The following FNTB variants were observed in gnomAD, a reference collection of about 807,000 sequenced individuals.
FNTB encodes protein farnesyltransferase subunit beta.
FNTB carries 27 observed loss-of-function variants against 59.4 expected under a neutral mutation model. The observed-to-expected ratio is 0.45, with a 90% CI of 0.34 to 0.63. The LOEUF (loss-of-function observed/expected upper bound fraction) is 0.63. Among genes scored for constraint, FNTB ranks in the 20% least tolerant of loss-of-function variants. The pLI is 0.02. For synonymous variants in FNTB, 230 were observed against 220.7 expected, an observed-to-expected ratio of 1.04 and a Z score of -0.37; for missense variants, 449 against 559.6, an observed-to-expected ratio of 0.80 and a Z score of 1.99.
intron 2 of FNTB, among the ~76,000 whole-genome samples, chr14:65,005,507 TTCTTTCTC>T (rs1459614064): frequency 4.6e-5 from 4 of 86,116 alleles, no homozygotes; most frequent in Admixed American, 1.3e-4. Context: ...CTTTCTTTCT[TTCTTTCTC>T]TCTCTCTTTC....
intron 11 of FNTB, among the ~76,000 whole-genome samples, chr14:65,059,333 CTT>C (rs549995463): frequency 1.4e-5 from 2 of 146,650 alleles, no homozygotes. Flanking sequence ...GCACTAGCCC[CTT>C]TTTTTTTTTC....
chr14:65,008,237 C>T (rs2061626618), intron 2 of FNTB, among the ~76,000 whole-genome samples: 2 of 152,228 alleles, frequency 1.3e-5, no homozygotes, highest in South Asian at 4.1e-4. Flanking sequence ...GACTGAATCC[C>T]CTGTCCTCTC....
chr14:65,035,747 G>C (rs1426589779), intron 7 of FNTB, among the ~76,000 whole-genome samples: 1 of 151,916 alleles, frequency 6.6e-6, no homozygotes, highest in Non-Finnish European at 1.5e-5. Context: ...TTGTCCAGGT[G>C]GGGCTTGAAC....
chr14:65,055,298 G>C (rs1184149370), intron 11 of FNTB, among the ~76,000 whole-genome samples: 1 of 152,164 alleles, frequency 6.6e-6, no homozygotes, highest in Non-Finnish European at 1.5e-5. Flanking sequence ...GAGCCTAGAC[G>C]TGAGCCTGGA....
In FNTB at chr14:65,037,403, C is replaced by CTT. The variant is rs1555335876; in HGVS notation, c.693-3345_693-3344dup. 1.7e-3 allele frequency among the ~76,000 whole-genome samples: 49 copies of CTT among 29,684 alleles called. 6 individuals carry two copies. The highest frequency in any genetic ancestry group is 2.8e-3 in the Non-Finnish European group (39 of 13,698). 19.5% of individuals were successfully genotyped at this position (29,684 alleles called of 152,430 possible). A position where few individuals can be genotyped will look rare whatever the true frequency, so the allele number is the denominator to read the frequency against. ...TAGGCGTGAGCCACCACGCCGGGCCCTTTTTTTTTTTTTTTTTTTTTTTTT... is the reference window on the plus strand; with the variant it reads ...TAGGCGTGAGCCACCACGCCGGGCCCTTTTTTTTTTTTTTTTTTTTTTTTTTT... On this transcript the variant is annotated intron_variant, in intron 7 of 11. Transcript: ENST00000246166.
At chr14:65,043,871 A>G (rs1000680029) in intron 8 of FNTB, among the ~76,000 whole-genome samples, 3 of 146,576 alleles carry the variant, frequency 2.0e-5, no homozygotes, top group Admixed American at 6.8e-5. Flanking sequence ...GAAATGTAGT[A>G]CCAAATTCCA....
In FNTB at chr14:65,028,431, T is replaced by C. The variant is rs1214290842; in HGVS notation, c.605+650T>C. Among the ~76,000 whole-genome samples, 1 of 152,244 alleles carries C rather than the reference T, an allele frequency of 6.6e-6. No individual in the cohort carries two copies. Among genetic ancestry groups the C allele is most frequent in the Non-Finnish European group, 1.5e-5 (1 of 68,042 alleles). ...GCCATTTCTCTAAGACAGTGGCTTA[T>C]TGAGATTTTATGCCATTTTCTTATT... On this transcript the variant is annotated intron_variant, in intron 6 of 11. Transcript: ENST00000246166. This position sits in a 1 kb window ranked among gnomAD's most constrained non-coding sequence, Gnocchi z 4.4.
chr14:65,015,346 AC>A (rs2061750540), intron 3 of FNTB, among the ~76,000 whole-genome samples: 1 of 133,102 alleles, frequency 7.5e-6, no homozygotes, highest in Admixed American at 7.7e-5. Flanking sequence ...TAAATGATCC[AC>A]CCACCTTGGC....
At position 65,031,810 on chromosome 14, in the gene FNTB, A is replaced by G. The variant is rs1293495861; in HGVS notation, c.606-800A>G. On this transcript the variant is annotated intron_variant, in intron 6 of 11. Transcript: ENST00000246166. The surrounding 1 kb of genome is among the most constrained non-coding windows in gnomAD (Gnocchi z 4.6). ...GTGGCATGCGCCTGTAATCCCAGCT[A>G]CTTGGGAGGCTGATACAGGAGAATT... Among the ~76,000 whole-genome samples, 1 of 152,074 alleles carries G rather than the reference A, an allele frequency of 6.6e-6. No individual in the cohort carries two copies. The highest frequency in any genetic ancestry group is 2.4e-5 in the African/African-American group (1 of 41,464).
In FNTB at chr14:65,044,162, GGAAAGAAAACCA is replaced by G; in HGVS notation, c.823-146_823-135del. The G allele has an allele frequency of 7.2e-7, 1 of 1,390,430 alleles. No homozygotes were observed. Among genetic ancestry groups the G allele is most frequent in the Non-Finnish European group, 1.0e-6 (1 of 1,001,848 alleles). 86.1% of individuals were successfully genotyped at this position (1,390,430 alleles called of 1,614,324 possible). A position where few individuals can be genotyped will look rare whatever the true frequency, so the allele number is the denominator to read the frequency against. ...TGTCTATGGCAGTGTGGGGAGGGAA[GGAAAGAAAACCA>G]GAGCACCAAAACTAGAGTGCCAAGA... is the stretch of plus-strand genomic sequence containing the variant. On this transcript the variant is annotated intron_variant, in intron 8 of 11. Transcript: ENST00000246166. The surrounding 1 kb of genome is among the most constrained non-coding windows in gnomAD (Gnocchi z 5.5).
intron 1 of FNTB, among the ~76,000 whole-genome samples, chr14:65,002,475 G>C (rs1168787516): frequency 6.6e-6 from 1 of 152,156 alleles, no homozygotes; most frequent in African/African-American, 2.4e-5. Context: ...TGGGCGGGGT[G>C]GTGGGCACCT....
At position 65,054,740 on chromosome 14, in the gene FNTB, C is replaced by T; in HGVS notation, c.1182+51C>T. 6.5e-7 allele frequency: 1 copy of T among 1,546,662 alleles called. No individual in the cohort carries two copies. Among genetic ancestry groups the T allele is most frequent in the Non-Finnish European group, 8.8e-7 (1 of 1,139,744 alleles). On this transcript the variant is annotated intron_variant, in intron 11 of 11. Coordinates refer to ENST00000246166, the MANE Select transcript of FNTB (RefSeq NM_002028.4). This position sits in a 1 kb window ranked among gnomAD's most constrained non-coding sequence, Gnocchi z 4.4. ...CCCTTCTCCACAGGGACCTCGCGGA[C>T]AGAAGGCTTTCCAAGTAAGCAGAAC...
At chr14:65,003,722 T>G (rs1406801568) in intron 1 of FNTB, 1 of 152,232 alleles carries the variant, frequency 6.6e-6, no homozygotes, top group Non-Finnish European at 1.5e-5. Context: ...AGGTGCCTTC[T>G]CCATTGATAA....
At position 65,037,745 on chromosome 14, in the gene FNTB, TTTATTTATTTATTTA is replaced by T. The variant is rs2062240159; in HGVS notation, c.693-3042_693-3028del. Among the ~76,000 whole-genome samples, 6 of 55,062 alleles carry T rather than the reference TTTATTTATTTATTTA, an allele frequency of 1.1e-4. 1 individual carries two copies. Among genetic ancestry groups the T allele is most frequent in the African/African-American group, 3.6e-4 (5 of 13,812 alleles). 36.1% of individuals were successfully genotyped at this position (55,062 alleles called of 152,430 possible). A position where few individuals can be genotyped will look rare whatever the true frequency, so the allele number is the denominator to read the frequency against. ...CAGCCTCTTATTTATTTATTTATTA[TTTATTTATTTATTTA>T]TTTATTTATTTATTTATTTATTTAT... On this transcript the variant is annotated intron_variant, in intron 7 of 11. Transcript: ENST00000246166.
chr14:65,059,300 G>A (rs953279840), intron 11 of FNTB, among the ~76,000 whole-genome samples: 3 of 151,730 alleles, frequency 2.0e-5, no homozygotes, highest in Non-Finnish European at 4.4e-5. Context: ...GATTATAGGT[G>A]TGAGCCATTG....
In FNTB at chr14:65,044,285, T is replaced by C; in HGVS notation, c.823-26T>C. On this transcript the variant is annotated intron_variant, in intron 8 of 11. Transcript: ENST00000246166. This position sits in a 1 kb window ranked among gnomAD's most constrained non-coding sequence, Gnocchi z 5.5. ...GATTTTGTCTCTTTTAGCCTACAAC[T>C]GCCTTTCCCATCTGTGTCTCCTCAG... is the stretch of plus-strand genomic sequence containing the variant. The C allele has an allele frequency of 6.2e-7, 1 of 1,611,834 alleles. No homozygotes were observed. Among genetic ancestry groups the C allele is most frequent in the East Asian group, 2.2e-5 (1 of 44,722 alleles).
At chr14:65,037,432 T>C (rs1343232849) in intron 7 of FNTB, among the ~76,000 whole-genome samples, 2 of 119,534 alleles carry the variant, frequency 1.7e-5, no homozygotes, top group Non-Finnish European at 3.4e-5. Context: ...TTTTTTTTTT[T>C]TTTTTTTTTT....
At chr14:65,058,485 C>A (rs1247250870) in intron 11 of FNTB, among the ~76,000 whole-genome samples, 1 of 152,088 alleles carries the variant, frequency 6.6e-6, no homozygotes, top group African/African-American at 2.4e-5. Context: ...TGGGTAAGAT[C>A]CCCACATAGT....
At position 65,023,409 on chromosome 14, in the gene FNTB, A is replaced by C. The variant is rs2139558922; in HGVS notation, c.375-4044A>C. 6.6e-6 allele frequency among the ~76,000 whole-genome samples: 1 copy of C among 152,020 alleles called. No individual in the cohort carries two copies. On this transcript the variant is annotated intron_variant, in intron 4 of 11. Coordinates refer to ENST00000246166, the MANE Select transcript of FNTB (RefSeq NM_002028.4). This position sits in a 1 kb window ranked among gnomAD's most constrained non-coding sequence, Gnocchi z 4.1. The stretch of plus-strand genomic sequence containing the variant: ...GCCATCACCTAAGAGTCCCAAGTAA[A>C]CTCCTTATAAGGCTGAGAGGCAATC...
Sources: allele counts gnomAD v4.1 joint callset (sites outside exome capture counted in the v4.1 genomes callset), GRCh38; gene constraint gnomAD v4.1.1; non-coding constraint Gnocchi (gnomAD v3.1); transcripts MANE v1.5; gene names NCBI Gene and HGNC (gene_info 2026-07-23, HGNC 2026-07-21).